Variants in PLAAT3 observed in about 807,000 individuals in gnomAD.
PLAAT3 encodes phospholipase A and acyltransferase 3.
PLAAT3 carries 21 observed loss-of-function variants against 16.7 expected under a neutral mutation model. The observed-to-expected ratio is 1.26, with a 90% confidence interval of 0.89 to 1.81. The LOEUF (loss-of-function observed/expected upper bound fraction) is 1.81, where lower values mean the gene tolerates loss of function less well. Ranked by LOEUF, PLAAT3 falls within the 40% of genes most tolerant of loss-of-function variation. PLAAT3 has a pLI of 0.00. For missense variants in PLAAT3, 219 were observed against 213.7 expected, an observed-to-expected ratio of 1.02 and a Z score of -0.16; for synonymous variants, 76 against 81.7, an observed-to-expected ratio of 0.93 and a Z score of 0.38.
intron 2 of PLAAT3, among the ~76,000 whole-genome samples, chr11:63,603,374 C>T (rs898383428): frequency 1.6e-4 from 25 of 152,142 alleles, no homozygotes; most frequent in Non-Finnish European, 2.6e-4. Context: ...TCTGCACCCA[C>T]GGGATTTCAG....
At chr11:63,595,996 C>T (rs1228501574) in intron 3 of PLAAT3, among the ~76,000 whole-genome samples, 1 of 151,930 alleles carries the variant, frequency 6.6e-6, no homozygotes, top group Non-Finnish European at 1.5e-5. Context: ...AATCCCAGCA[C>T]TGTGGGAGGC....
chr11:63,614,353 C>A, intron 1 of PLAAT3, 32 bp downstream of exon 1: 1 of 357,420 alleles, frequency 2.8e-6, no homozygotes, highest in South Asian at 5.2e-5. Flanking sequence ...CCGGCCTTAT[C>A]GCACCCTTCC....
upstream of PLAAT3, among the ~76,000 whole-genome samples, chr11:63,615,144 ATG>A (rs1565259759): frequency 2.7e-4 from 23 of 86,598 alleles, 1 homozygote; most frequent in African/African-American, 7.7e-4. Flanking sequence ...ATATGTGTAT[ATG>A]TGTGTATATA....
At chr11:63,579,531 T>G (rs2134391986) in intron 4 of PLAAT3, among the ~76,000 whole-genome samples, 1 of 152,074 alleles carries the variant, frequency 6.6e-6, no homozygotes, top group Admixed American at 6.5e-5. Context: ...CACCATGGAA[T>G]ACTATGCAGC....
In PLAAT3 at chr11:63,590,208, G is replaced by A. The variant is rs1457848528; in HGVS notation, c.279C>T (p.Ile93=). Residue 93 remains isoleucine (I), a synonymous_variant, in exon 4 of 5, where the codon ATC becomes ATT. Coordinates refer to ENST00000415826, the MANE Select transcript of PLAAT3 (RefSeq NM_001128203.2). ...KYSPLPCSKI[I]QRAEELVGQE... ...GCCCCACCAGCTCCTCCGCCCGCTG[G>A]ATGATTTTGCTGCAGGGCAGCGGCG... 5 of 1,614,080 alleles carry A rather than the reference G, an allele frequency of 3.1e-6. No homozygotes were observed. The South Asian group carries it at 5.5e-5, about 18-fold the overall frequency.
intron 4 of PLAAT3, among the ~76,000 whole-genome samples, chr11:63,583,150 A>G (rs2134396881): frequency 6.6e-6 from 1 of 152,300 alleles, no homozygotes; most frequent in Middle Eastern, 3.4e-3. Flanking sequence ...AGTAGTTTTA[A>G]CAGACAGAAT....
At chr11:63,578,638 A>T (rs1416478525) in intron 4 of PLAAT3, among the ~76,000 whole-genome samples, 1 of 152,010 alleles carries the variant, frequency 6.6e-6, no homozygotes, top group African/African-American at 2.4e-5. Flanking sequence ...TCCCTATTTA[A>T]TAAATGGTGC....
At chr11:63,612,006 C>T (rs182523897) in intron 2 of PLAAT3, among the ~76,000 whole-genome samples, 4 of 152,262 alleles carry the variant, frequency 2.6e-5, no homozygotes, top group African/African-American at 4.8e-5. Context: ...GGCGCGGTGG[C>T]GCATGCCTGT....
chr11:63,592,649 G>T (rs1384951084), intron 3 of PLAAT3, among the ~76,000 whole-genome samples: 1 of 152,144 alleles, frequency 6.6e-6, no homozygotes, highest in African/African-American at 2.4e-5. Context: ...CCTGGGTTTG[G>T]GTCCTGCCTG....
chr11:63,614,011 G>T lies in PLAAT3; in HGVS notation c.4C>A (p.Arg2Ser). Residue 2 changes from arginine (R) to serine (S), a missense_variant, in exon 2 of 5, where the codon CGT becomes AGT. Transcript: ENST00000415826. ...CGCCCCGCACTTACAATGGGCGCAC[G>T]CATCTTCCCTCGCGGTGTGGACCCT... is the stretch of plus-strand genomic sequence containing the variant. The part of the protein sequence containing the change: M[R>S]APIPEPKPGD... 6.3e-7 allele frequency: 1 copy of T among 1,593,816 alleles called. No individual in the cohort carries two copies. Among genetic ancestry groups the T allele is most frequent in the Non-Finnish European group, 8.6e-7 (1 of 1,161,656 alleles).
intron 2 of PLAAT3, chr11:63,598,854 TTGAG>T: frequency 4.8e-6 from 2 of 418,934 alleles, no homozygotes; most frequent in East Asian, 7.1e-5. Context: ...CATGTTCACA[TTGAG>T]TGAGTATGTG....
At chr11:63,576,038 G>A (rs1697398655) in intron 4 of PLAAT3, among the ~76,000 whole-genome samples, 1 of 152,198 alleles carries the variant, frequency 6.6e-6, no homozygotes, top group Non-Finnish European at 1.5e-5. Flanking sequence ...TTGAGAGATT[G>A]TAAACATGCT....
intron 2 of PLAAT3, among the ~76,000 whole-genome samples, chr11:63,611,524 C>CAGTT (rs1429771772): frequency 6.6e-6 from 1 of 152,230 alleles, no homozygotes; most frequent in East Asian, 1.9e-4. Flanking sequence ...AGAGAACACG[C>CAGTT]AGTTATCAGT....
intron 4 of PLAAT3, among the ~76,000 whole-genome samples, chr11:63,589,012 TA>T (rs1397992691): frequency 0.011 from 1,556 of 145,070 alleles, 20 homozygotes; most frequent in African/African-American, 0.027. Context: ...GAGGATAATT[TA>T]AAAAAAAAAA....
In PLAAT3 at chr11:63,606,998, G is replaced by T. The variant is rs541637505; in HGVS notation, c.15+7002C>A. On this transcript the variant is annotated intron_variant, in intron 2 of 4. Coordinates refer to ENST00000415826, the MANE Select transcript of PLAAT3 (RefSeq NM_001128203.2). ...GATGTAGGGTGCAAGGAGGAGGCGG[G>T]AGCCTGCTAGGAGGCAACTGCAGAG... 1.9e-4 allele frequency among the ~76,000 whole-genome samples: 29 copies of T among 152,288 alleles called. No individual in the cohort carries two copies. The East Asian group carries it at 5.0e-3, about 26-fold the overall frequency.
At chr11:63,594,383 C>T (rs1938230009) in intron 3 of PLAAT3, among the ~76,000 whole-genome samples, 1 of 151,870 alleles carries the variant, frequency 6.6e-6, no homozygotes, top group African/African-American at 2.4e-5. Flanking sequence ...GAGGAGGAGC[C>T]CACACAAGAG....
chr11:63,596,622 C>T (rs947856431), intron 3 of PLAAT3, among the ~76,000 whole-genome samples: 7 of 151,618 alleles, frequency 4.6e-5, no homozygotes, highest in Non-Finnish European at 7.4e-5. Context: ...GATCATCAGG[C>T]ATTAGATTCT....
rs142158004 is a variant in PLAAT3, at chr11:63,574,959, G to A, written c.475C>T (p.Arg159Ter). 98 of 1,604,806 alleles carry A rather than the reference G, an allele frequency of 6.1e-5. No individual in the cohort carries two copies. Among genetic ancestry groups the A allele is most frequent in the African/African-American group, 8.0e-5 (6 of 74,752 alleles). The change falls in exon 5 of 5, where the codon CGA (arginine) becomes TGA (stop). Residue 159 changes from arginine (R) to a stop codon, truncating the protein, a stop_gained. Transcript: ENST00000415826. LOFTEE classifies it high-confidence loss of function. ...LIGVMFSRNKRQKQ is the reference protein window; with the variant it reads ...LIGVMFSRNK Reference sequence around the variant, plus strand: ...GTCTTTTTCAGTTATTGCTTTTGTCGCTTGTTTCTTGAGAACATGACTCCA... The same window carrying A: ...GTCTTTTTCAGTTATTGCTTTTGTCACTTGTTTCTTGAGAACATGACTCCA...
chr11:63,593,344 G>A (rs539366647), intron 3 of PLAAT3, among the ~76,000 whole-genome samples: 71 of 152,354 alleles, frequency 4.7e-4, no homozygotes, highest in African/African-American at 1.6e-3. Context: ...CATCTTTGCT[G>A]AAGCTTGAAT....
Sources: allele counts gnomAD v4.1 joint callset (sites outside exome capture counted in the v4.1 genomes callset), GRCh38; gene constraint gnomAD v4.1.1; transcripts MANE v1.5; gene names NCBI Gene and HGNC (gene_info 2026-07-23, HGNC 2026-07-21).